The following MPRIP variants were observed in gnomAD, a reference collection of about 807,000 sequenced individuals.
The protein encoded by MPRIP is myosin phosphatase Rho interacting protein.
Under a neutral mutation model 234.9 loss-of-function variants are expected in MPRIP, and 59 were observed. The observed-to-expected ratio is 0.25, with a 90% CI of 0.20 to 0.31. The LOEUF (loss-of-function observed/expected upper bound fraction) is 0.31, where lower values mean the gene tolerates loss of function less well. Ranked by LOEUF, MPRIP falls within the 10% of genes least tolerant of loss-of-function variation. The pLI, the probability that MPRIP is intolerant of heterozygous loss-of-function variation, is 1.00. For missense variants in MPRIP, 2,436 were observed against 3,071.0 expected, an observed-to-expected ratio of 0.79 and a Z score of 4.89; for synonymous variants, 1,144 against 1,263.9, an observed-to-expected ratio of 0.91 and a Z score of 2.01.
intron 1 of MPRIP, among the ~76,000 whole-genome samples, chr17:17,050,948 T>C (rs778180839): frequency 3.3e-5 from 5 of 152,242 alleles, no homozygotes; most frequent in Non-Finnish European, 7.3e-5. Context: ...ACCTGATCTT[T>C]TCCTCTGATT....
chr17:17,151,780 CTT>C (rs2045608737), intron 12 of MPRIP, among the ~76,000 whole-genome samples: 2 of 152,220 alleles, frequency 1.3e-5, no homozygotes, highest in South Asian at 4.1e-4. Flanking sequence ...CCAGGCCTCT[CTT>C]TGGGTAAAGT....
chr17:17,093,739 T>C (rs1277188509), intron 3 of MPRIP, among the ~76,000 whole-genome samples: 2 of 152,248 alleles, frequency 1.3e-5, no homozygotes, highest in Non-Finnish European at 2.9e-5. Context: ...CTGAGTCCTG[T>C]TCCCAGAGGA....
In MPRIP at chr17:17,185,169, T is replaced by A; in HGVS notation, c.*275T>A. On this transcript the variant is annotated 3_prime_UTR_variant, in exon 24 of 24. Transcript: ENST00000651222. ...GCTGGGAGGGCATCTGTGTTAGTCCTTTCCTGGCTGTGACCCGCCACACTC... is the reference window on the plus strand; with the variant it reads ...GCTGGGAGGGCATCTGTGTTAGTCCATTCCTGGCTGTGACCCGCCACACTC... The A allele has an allele frequency of 5.7e-6, 2 of 353,452 alleles. No individual in the cohort carries two copies. The highest frequency in any genetic ancestry group is 4.9e-5 in the South Asian group (2 of 41,052). 21.9% of individuals were successfully genotyped at this position (353,452 alleles called of 1,614,324 possible).
chr17:17,065,293 T>G (rs12450109), intron 1 of MPRIP, among the ~76,000 whole-genome samples: 12,548 of 152,214 alleles, frequency 0.082, 733 homozygotes, highest in East Asian at 0.17. Context: ...AAGTTTTTAA[T>G]TTTAATGAAG....
At chr17:17,117,668 G>A (rs2090312890) in intron 3 of MPRIP, among the ~76,000 whole-genome samples, 1 of 152,194 alleles carries the variant, frequency 6.6e-6, no homozygotes, top group Non-Finnish European at 1.5e-5. Context: ...ATGCTGCTAC[G>A]ATATGATTTG....
chr17:17,066,837 A>G (rs2089046045), intron 1 of MPRIP, among the ~76,000 whole-genome samples: 1 of 136,090 alleles, frequency 7.3e-6, no homozygotes, highest in South Asian at 2.3e-4. Flanking sequence ...GCTCACTGCA[A>G]CCTTGAATTC....
intron 9 of MPRIP, among the ~76,000 whole-genome samples, chr17:17,143,944 G>A (rs976593186): frequency 3.3e-5 from 5 of 152,234 alleles, no homozygotes; most frequent in East Asian, 1.9e-4. Context: ...GCAGACTCCC[G>A]ACTCTAGGCG....
At chr17:17,081,467 G>A (rs1298360164) in intron 3 of MPRIP, among the ~76,000 whole-genome samples, 1 of 152,248 alleles carries the variant, frequency 6.6e-6, no homozygotes, top group Non-Finnish European at 1.5e-5. Flanking sequence ...CTCGGAGGGA[G>A]ATTAGCAATG....
chr17:17,143,563 C>T lies in MPRIP; in HGVS notation c.1397C>T (p.Thr466Ile). 1.3e-6 allele frequency: 2 copies of T among 1,594,718 alleles called. No individual in the cohort carries two copies. The highest frequency in any genetic ancestry group is 1.1e-5 in the South Asian group (1 of 87,198). ...KRAFPRKRDF[T>I]NEAPPAPLPD... ...GGCTGCTCTCTGCCACAGGACTTCA[C>T]CAATGAAGCCCCCCCAGCTCCTCTC... Residue 466 changes from threonine to isoleucine, a missense_variant, in exon 9 of 24, where the codon ACC becomes ATC. Thr to Ile is a moderately conservative substitution (Grantham distance 89). Transcript: ENST00000651222.
chr17:17,101,288 G>A (rs148688604), intron 3 of MPRIP, among the ~76,000 whole-genome samples: 301 of 152,284 alleles, frequency 2.0e-3, no homozygotes, highest in African/African-American at 6.9e-3. Flanking sequence ...AGAAAAGGCC[G>A]GGCCTGGTGG....
Position 17,164,270 on chromosome 17 carries a change from G to A in MPRIP, c.2679G>A (p.Arg893=), listed in dbSNP as rs987312126. The change falls in exon 16 of 24, where the codon CGG becomes CGA. Residue 893 remains arginine (R), a synonymous_variant. Transcript: ENST00000651222. ...RSYGEAKDTI[R]HHEAEIRSLQ... ...ATGGGGAGGCCAAGGACACGATCCG[G>A]CACCACGAGGCTGAGATCCGGAGCC... The A allele has an allele frequency of 8.4e-6, 11 of 1,304,244 alleles. No homozygotes were observed. Among genetic ancestry groups the A allele is most frequent in the Non-Finnish European group, 1.1e-5 (11 of 988,974 alleles). 80.8% of individuals were successfully genotyped at this position (1,304,244 alleles called of 1,614,324 possible).
At chr17:17,089,688 G>A (rs1474415732) in intron 3 of MPRIP, among the ~76,000 whole-genome samples, 1 of 152,102 alleles carries the variant, frequency 6.6e-6, no homozygotes, top group African/African-American at 2.4e-5. Flanking sequence ...GTGAGGTGTA[G>A]GCGTGAGAAA....
At chr17:17,076,853 G>T (rs931680105) in intron 2 of MPRIP, among the ~76,000 whole-genome samples, 2 of 151,364 alleles carry the variant, frequency 1.3e-5, no homozygotes, top group Non-Finnish European at 2.9e-5. Context: ...GATAACCCTG[G>T]CCCAAAGCAG....
At chr17:17,115,598 T>A (rs1421230281) in intron 3 of MPRIP, among the ~76,000 whole-genome samples, 1 of 152,234 alleles carries the variant, frequency 6.6e-6, no homozygotes, top group Non-Finnish European at 1.5e-5. Flanking sequence ...TTCACGTGGT[T>A]ATACAACCAC....
intron 1 of MPRIP, among the ~76,000 whole-genome samples, chr17:17,073,935 C>G (rs1434075187): frequency 1.3e-5 from 2 of 152,194 alleles, no homozygotes; most frequent in Non-Finnish European, 2.9e-5. Context: ...CAGCTTTCCC[C>G]CGACCCCAGG....
intron 14 of MPRIP, among the ~76,000 whole-genome samples, chr17:17,159,527 G>A (rs931684457): frequency 7.2e-5 from 11 of 152,210 alleles, no homozygotes; most frequent in Non-Finnish European, 1.0e-4. Context: ...GTGAGGCAGG[G>A]TAGGCTGTGG....
chr17:17,137,875 G>T, intron 6 of MPRIP, 41 bp from the exon 7 acceptor site: 1 of 1,511,056 alleles, frequency 6.6e-7, no homozygotes, highest in Non-Finnish European at 8.9e-7. Flanking sequence ...AAAGCTGCCA[G>T]CAGGCTGAGT....
At chr17:17,093,629 T>C (rs1255425082) in intron 3 of MPRIP, among the ~76,000 whole-genome samples, 1 of 152,214 alleles carries the variant, frequency 6.6e-6, no homozygotes, top group Non-Finnish European at 1.5e-5. Context: ...GGGGCTTTAA[T>C]TGTTTTTTCA....
chr17:17,171,710 T>C lies in MPRIP; in HGVS notation c.6325-8T>C, dbSNP rs971069489. The C allele has an allele frequency of 2.5e-5, 40 of 1,606,808 alleles. No homozygotes were observed. Among genetic ancestry groups the C allele is most frequent in the Non-Finnish European group, 3.4e-5 (40 of 1,178,638 alleles). On this transcript the variant is annotated splice_region_variant and splice_polypyrimidine_tract_variant and intron_variant, in intron 16 of 23. Transcript: ENST00000651222. ...AGAAGTCGATGAAGTCCCTTTTGCA[T>C]TTTGCAGGCCACGTGCGAGCGAGGG... is the stretch of plus-strand genomic sequence containing the variant.
Sources: allele counts gnomAD v4.1 joint callset (sites outside exome capture counted in the v4.1 genomes callset), GRCh38; gene constraint gnomAD v4.1.1; transcripts MANE v1.5; gene names NCBI Gene and HGNC (gene_info 2026-07-23, HGNC 2026-07-21).